Variants in IL13RA1 observed in about 807,000 individuals in gnomAD.
The protein encoded by IL13RA1 is interleukin 13 receptor subunit alpha 1, also known as interleukin-13 receptor subunit alpha-1.
A neutral mutation model predicts 33.8 loss-of-function variants in IL13RA1; 14 were observed. The observed-to-expected ratio is 0.41, with a 90% CI of 0.27 to 0.65. IL13RA1 has a LOEUF of 0.65. Among genes scored for constraint, IL13RA1 ranks in the 30% least tolerant of loss-of-function variants. IL13RA1 has a pLI of 0.28. For synonymous variants in IL13RA1, 116 were observed against 115.7 expected (o/e 1.00, Z -0.02); for missense variants, 313 against 327.0 (o/e 0.96, Z 0.33).
chrX:118,764,967 G>A (rs2017630829), intron 6 of IL13RA1, among the ~76,000 whole-genome samples: 1 of 112,224 alleles, frequency 8.9e-6, no homozygotes, highest in Non-Finnish European at 1.9e-5. Flanking sequence ...TTTCACCTAT[G>A]TAACCAGCAC....
intron 8 of IL13RA1, among the ~76,000 whole-genome samples, chrX:118,773,634 AT>A (rs2017749769): frequency 8.9e-6 from 1 of 112,050 alleles, no homozygotes; most frequent in Non-Finnish European, 1.9e-5. Context: ...CTTTTAAAAA[AT>A]ATCCTAATTT....
the IL13RA1 span, among the ~76,000 whole-genome samples, chrX:118,803,905 CCTTCCTTCCTTCCTTCCTCT>C: frequency 2.3e-4 from 19 of 80,983 alleles, no homozygotes; most frequent in African/African-American, 6.6e-4. Context: ...TTCCTTCCTT[CCTTCCTTCCTTCCTTCCTCT>C]CTCTCTTTTT....
chrX:118,731,758 A>G (rs979644750), intron 1 of IL13RA1, among the ~76,000 whole-genome samples: 5 of 112,146 alleles, frequency 4.5e-5, no homozygotes, highest in African/African-American at 1.6e-4. Context: ...CATATTAGAG[A>G]TGAGAAAACT....
chrX:118,747,534 A>G (rs1442857784), intron 3 of IL13RA1, among the ~76,000 whole-genome samples: 1 of 111,231 alleles, frequency 9.0e-6, no homozygotes, highest in Non-Finnish European at 1.9e-5. Flanking sequence ...TTTAAAAATA[A>G]AACACAAAAT....
intron 6 of IL13RA1, among the ~76,000 whole-genome samples, chrX:118,762,056 A>T (rs191802249): frequency 8.9e-5 from 10 of 112,379 alleles, no homozygotes; most frequent in Middle Eastern, 4.6e-3. Context: ...AGTAGTCAAT[A>T]TTTGTTGGAT....
downstream of IL13RA1, among the ~76,000 whole-genome samples, chrX:118,795,605 A>G (rs1222429417): frequency 8.9e-6 from 1 of 112,434 alleles, no homozygotes; most frequent in Non-Finnish European, 1.9e-5. Context: ...AACAGAAAAC[A>G]TTTAAAATTG....
chrX:118,763,232 T>C (rs771471113), intron 6 of IL13RA1, among the ~76,000 whole-genome samples: 44 of 112,820 alleles, frequency 3.9e-4, no homozygotes, highest in African/African-American at 1.4e-3. Flanking sequence ...AGGAAGGAGT[T>C]TGGTGCTGTC....
At chrX:118,779,047 G>A (rs1603220780) in intron 10 of IL13RA1, among the ~76,000 whole-genome samples, 1 of 112,157 alleles carries the variant, frequency 8.9e-6, no homozygotes, top group African/African-American at 3.2e-5. Context: ...TAAGACATCT[G>A]TATGACAGAA....
intron 4 of IL13RA1, among the ~76,000 whole-genome samples, chrX:118,753,247 C>T (rs2017490057): frequency 8.9e-6 from 1 of 111,934 alleles, no homozygotes; most frequent in South Asian, 3.7e-4. Flanking sequence ...TGGGGATATA[C>T]TAGCAAAAAC....
intron 10 of IL13RA1, among the ~76,000 whole-genome samples, chrX:118,778,790 T>TGCC (rs1175661210): frequency 1.8e-5 from 2 of 112,562 alleles, no homozygotes; most frequent in Non-Finnish European, 3.7e-5. Context: ...TTAAGTGCTT[T>TGCC]GCCTATATTA....
At chrX:118,767,051 G>A in intron 8 of IL13RA1, 75 bp downstream of exon 8, 2 of 533,882 alleles carry the variant, frequency 3.7e-6, no homozygotes, top group East Asian at 3.7e-5. Flanking sequence ...AAATAGACTG[G>A]GGAAAGGGAC....
At chrX:118,743,187 G>A (rs1270151807) in intron 2 of IL13RA1, among the ~76,000 whole-genome samples, 2 of 111,732 alleles carry the variant, frequency 1.8e-5, no homozygotes, top group Admixed American at 1.9e-4. Flanking sequence ...AAAATGAATG[G>A]CAGAAGTAAT....
At chrX:118,777,782 T>A (rs916164552) in intron 10 of IL13RA1, among the ~76,000 whole-genome samples, 4 of 111,945 alleles carry the variant, frequency 3.6e-5, no homozygotes, top group Non-Finnish European at 7.5e-5. Context: ...CTTCTAACTT[T>A]AGTTGGATTT....
intron 1 of IL13RA1, among the ~76,000 whole-genome samples, chrX:118,728,304 G>T (rs1354277069): frequency 1.8e-5 from 2 of 112,537 alleles, no homozygotes; most frequent in Non-Finnish European, 3.8e-5. Context: ...AGGACGTGAC[G>T]CTCATGACCT....
intron 10 of IL13RA1, 57 bp from the exon 11 acceptor site, chrX:118,791,705 G>A: frequency 1.8e-6 from 1 of 545,118 alleles, no homozygotes; most frequent in Non-Finnish European, 3.1e-6. Flanking sequence ...TAAGTACTCA[G>A]GGAAAGAACA....
At chrX:118,786,000 G>A (rs1016815142) in intron 10 of IL13RA1, among the ~76,000 whole-genome samples, 1 of 111,865 alleles carries the variant, frequency 8.9e-6, no homozygotes, top group Non-Finnish European at 1.9e-5. Flanking sequence ...ACTTCAGCTA[G>A]TTTTGAAATA....
At chrX:118,777,652 C>T (rs1373453261) in intron 10 of IL13RA1, among the ~76,000 whole-genome samples, 1 of 111,306 alleles carries the variant, frequency 9.0e-6, no homozygotes, top group African/African-American at 3.3e-5. Flanking sequence ...AGGCTAGACT[C>T]CAAAGATATA....
intron 1 of IL13RA1, among the ~76,000 whole-genome samples, chrX:118,729,691 G>A (rs778614350): frequency 3.6e-5 from 4 of 112,550 alleles, no homozygotes; most frequent in African/African-American, 9.7e-5. Flanking sequence ...TTTTCTAGCT[G>A]CTTTACTTGT....
chrX:118,782,604 CT>C (rs34711097), intron 10 of IL13RA1, among the ~76,000 whole-genome samples: 17,064 of 100,432 alleles, frequency 0.17, 1,411 homozygotes, highest in East Asian at 0.43. Flanking sequence ...TTTGTTTTTG[CT>C]TTTTTTTTTT....
Sources: gnomAD v4.1 joint callset for allele counts (sites outside exome capture counted in the v4.1 genomes callset) on GRCh38, gnomAD v4.1.1 for gene constraint, MANE v1.5 for transcripts, NCBI Gene and HGNC (gene_info 2026-07-23, HGNC 2026-07-21) for gene names.